Variants in RPS6KA5 observed in about 807,000 individuals in gnomAD.
The protein encoded by RPS6KA5 is ribosomal protein S6 kinase alpha-5.
RPS6KA5 carries 27 observed loss-of-function variants against 85.5 expected under a neutral mutation model. The observed-to-expected ratio is 0.32, with a 90% confidence interval of 0.23 to 0.44. The LOEUF (loss-of-function observed/expected upper bound fraction) is 0.44, where lower values mean the gene tolerates loss of function less well. RPS6KA5 is among the 20% of genes least tolerant of loss of function. The pLI is 1.00. For missense variants in RPS6KA5, 811 were observed against 980.9 expected, an observed-to-expected ratio of 0.83 and a Z score of 2.31; for synonymous variants, 334 against 348.2, an observed-to-expected ratio of 0.96 and a Z score of 0.46.
chr14:90,990,427 G>T (rs2040253878), intron 2 of RPS6KA5, among the ~76,000 whole-genome samples: 1 of 152,200 alleles, frequency 6.6e-6, no homozygotes, highest in African/African-American at 2.4e-5. Flanking sequence ...TACACTGCTA[G>T]TGGGAATGTA....
intron 5 of RPS6KA5, among the ~76,000 whole-genome samples, chr14:90,928,938 A>G (rs1170798687): frequency 6.6e-6 from 1 of 152,054 alleles, no homozygotes; most frequent in Non-Finnish European, 1.5e-5. Context: ...ATAAAATCCT[A>G]AGTAAAATAT....
intron 1 of RPS6KA5, among the ~76,000 whole-genome samples, chr14:91,033,795 T>C (rs1203103147): frequency 6.6e-6 from 1 of 152,310 alleles, no homozygotes; most frequent in East Asian, 1.9e-4. Context: ...GAGAAACTCT[T>C]ATACATTTGT....
At position 90,867,809 on chromosome 14, in the gene RPS6KA5, ATAG is replaced by A. The variant is rs778579322; in HGVS notation, c.*4262_*4264del. On this transcript the variant is annotated 3_prime_UTR_variant, in exon 17 of 17. Coordinates refer to ENST00000614987, the MANE Select transcript of RPS6KA5 (RefSeq NM_004755.4). Reference sequence around the variant, plus strand: ...TAGTTTCTTATTCCTTTTCACCCTAATAGTAGGAAAATATTAGGCACCTACTTA... The same window carrying A: ...TAGTTTCTTATTCCTTTTCACCCTAATAGGAAAATATTAGGCACCTACTTA... The A allele has an allele frequency of 1.3e-5, 2 of 152,230 alleles. No homozygotes were observed. Among genetic ancestry groups the A allele is most frequent in the East Asian group, 1.9e-4 (1 of 5,206 alleles). 9.4% of individuals were successfully genotyped at this position (152,230 alleles called of 1,614,324 possible).
chr14:90,878,908 A>G (rs2033649066), intron 14 of RPS6KA5, among the ~76,000 whole-genome samples: 1 of 152,212 alleles, frequency 6.6e-6, no homozygotes, highest in Non-Finnish European at 1.5e-5. Flanking sequence ...ATTAGCAGGA[A>G]GCTACTTGGG....
intron 7 of RPS6KA5, among the ~76,000 whole-genome samples, chr14:90,916,468 A>C (rs1284689709): frequency 6.6e-6 from 1 of 152,222 alleles, no homozygotes; most frequent in Non-Finnish European, 1.5e-5. Flanking sequence ...GAAAGTATGC[A>C]GAGTTCAGGG....
rs983717103 is a variant in RPS6KA5, at chr14:90,849,157, G to A, written c.*22917C>T. On this transcript the variant is annotated 3_prime_UTR_variant, in exon 17 of 17. Transcript: ENST00000614987. ...GGAGAGCCCGCGCAGGCACCTTGGT[G>A]GTCTGAATCTAATAGATGCCACTCT... 6.6e-6 allele frequency: 1 copy of A among 152,346 alleles called. No homozygotes were observed. The highest frequency in any genetic ancestry group is 6.5e-5 in the Admixed American group (1 of 15,306). 9.4% of individuals were successfully genotyped at this position (152,346 alleles called of 1,614,324 possible).
At chr14:90,927,597 T>C (rs1010236925) in intron 5 of RPS6KA5, among the ~76,000 whole-genome samples, 5 of 152,078 alleles carry the variant, frequency 3.3e-5, no homozygotes, top group East Asian at 1.9e-4. Flanking sequence ...AAAAGAATTA[T>C]TAAAATTACG....
At chr14:90,973,519 C>T (rs947047800) in intron 3 of RPS6KA5, among the ~76,000 whole-genome samples, 2 of 151,740 alleles carry the variant, frequency 1.3e-5, no homozygotes, top group Non-Finnish European at 2.9e-5. Flanking sequence ...GTTTTTTCCC[C>T]CAAACAAGTA....
intron 2 of RPS6KA5, among the ~76,000 whole-genome samples, chr14:90,991,563 A>C (rs890541463): frequency 3.3e-5 from 5 of 152,028 alleles, no homozygotes; most frequent in African/African-American, 1.2e-4. Context: ...TTATCCGGGC[A>C]TGGTGGTGCA....
At chr14:91,013,289 T>C (rs985805055) in intron 1 of RPS6KA5, among the ~76,000 whole-genome samples, 3 of 152,194 alleles carry the variant, frequency 2.0e-5, no homozygotes, top group African/African-American at 7.2e-5. Context: ...GGAACAGACA[T>C]ACTCCCTGAC....
At chr14:91,019,815 G>C (rs2041669376) in intron 1 of RPS6KA5, among the ~76,000 whole-genome samples, 1 of 152,138 alleles carries the variant, frequency 6.6e-6, no homozygotes, top group African/African-American at 2.4e-5. Context: ...TGTAAGTCAA[G>C]TAGCATCTGT....
In RPS6KA5 at chr14:90,858,226, G is replaced by A. The variant is rs991007156; in HGVS notation, c.*13848C>T. Reference sequence around the variant, plus strand: ...AAAGCAAATCTGACTGATTTTCAATGTGAAAATAAAATATAAAAACTGTTC... The same window carrying A: ...AAAGCAAATCTGACTGATTTTCAATATGAAAATAAAATATAAAAACTGTTC... On this transcript the variant is annotated 3_prime_UTR_variant, in exon 17 of 17. Coordinates refer to ENST00000614987, the MANE Select transcript of RPS6KA5 (RefSeq NM_004755.4). 1.3e-5 allele frequency: 2 copies of A among 151,864 alleles called. No homozygotes were observed. The highest frequency in any genetic ancestry group is 2.4e-5 in the African/African-American group (1 of 41,332). 9.4% of individuals were successfully genotyped at this position (151,864 alleles called of 1,614,324 possible).
chr14:90,900,580 A>G (rs765936108), intron 10 of RPS6KA5, 31 bp downstream of exon 10: 6 of 1,593,956 alleles, frequency 3.8e-6, no homozygotes, highest in Non-Finnish European at 5.1e-6. Flanking sequence ...AAACCTACAA[A>G]TATGTCATAT....
chr14:90,983,674 AG>A (rs1263202973), intron 2 of RPS6KA5, among the ~76,000 whole-genome samples: 2 of 148,410 alleles, frequency 1.3e-5, no homozygotes, highest in Non-Finnish European at 3.0e-5. Context: ...AGGAAAGAAA[AG>A]GGAAGGGAAG....
intron 7 of RPS6KA5, among the ~76,000 whole-genome samples, chr14:90,908,887 A>G (rs957127483): frequency 2.6e-5 from 4 of 152,172 alleles, no homozygotes; most frequent in Admixed American, 6.5e-5. Flanking sequence ...TGAGCTTCCC[A>G]TGCTGGGGTG....
At chr14:90,952,610 T>C (rs2038260636) in intron 3 of RPS6KA5, among the ~76,000 whole-genome samples, 1 of 152,256 alleles carries the variant, frequency 6.6e-6, no homozygotes, top group South Asian at 2.1e-4. Flanking sequence ...TGATCAAAAA[T>C]TGGCTAATCA....
intron 14 of RPS6KA5, among the ~76,000 whole-genome samples, chr14:90,888,642 A>C (rs2034375320): frequency 6.6e-6 from 1 of 152,196 alleles, no homozygotes; most frequent in South Asian, 2.1e-4. Flanking sequence ...TGACACTAAA[A>C]TAAATTCCAG....
Position 91,060,613 on chromosome 14 carries a change from C to T in RPS6KA5, c.-179G>A. The T allele has an allele frequency of 1.2e-6, 1 of 854,042 alleles. No homozygotes were observed. Among genetic ancestry groups the T allele is most frequent in the Non-Finnish European group, 1.6e-6 (1 of 643,372 alleles). The allele number at this position is 854,042 out of a possible 1,614,324, so 52.9% of individuals were successfully genotyped here. On this transcript the variant is annotated 5_prime_UTR_variant, in exon 1 of 17. Transcript: ENST00000614987. ...CCGCACGGCTCGCTCCTCGCCTCCT[C>T]CCCCTTCGGCGGGCACCGCTAGTAC...
At position 90,871,393 on chromosome 14, in the gene RPS6KA5, G is replaced by A. The variant is rs185962406; in HGVS notation, c.*681C>T. The A allele has an allele frequency of 2.6e-5, 4 of 152,278 alleles. No individual in the cohort carries two copies. Among genetic ancestry groups the A allele is most frequent in the Admixed American group, 2.6e-4 (4 of 15,262 alleles). 9.4% of individuals were successfully genotyped at this position (152,278 alleles called of 1,614,324 possible). On this transcript the variant is annotated 3_prime_UTR_variant, in exon 17 of 17. Coordinates refer to ENST00000614987, the MANE Select transcript of RPS6KA5 (RefSeq NM_004755.4). ...CAATAACCATTAAAACAAATTGCCAGGAAAGAGCAGTGCAAAATTAAAAAC... is the reference window on the plus strand; with the variant it reads ...CAATAACCATTAAAACAAATTGCCAAGAAAGAGCAGTGCAAAATTAAAAAC...
Sources: gnomAD v4.1 joint callset for allele counts (sites outside exome capture counted in the v4.1 genomes callset) on GRCh38, gnomAD v4.1.1 for gene constraint, MANE v1.5 for transcripts, NCBI Gene and HGNC (gene_info 2026-07-23, HGNC 2026-07-21) for gene names.